The following TNFRSF1B variants were observed in gnomAD, a reference collection of about 807,000 sequenced individuals.
TNFRSF1B encodes TNF receptor superfamily member 1B, also known as tumor necrosis factor receptor superfamily member 1B.
A neutral mutation model predicts 44.6 loss-of-function variants in TNFRSF1B; 19 were observed. That is an observed-to-expected ratio of 0.43 (90% CI 0.30 to 0.62). TNFRSF1B has a LOEUF of 0.62. TNFRSF1B is among the 20% of genes least tolerant of loss of function. TNFRSF1B has a pLI of 0.16. For synonymous variants in TNFRSF1B, 252 were observed against 261.1 expected (o/e 0.97, Z 0.34); for missense variants, 541 against 619.9 (o/e 0.87, Z 1.35).
intron 9 of TNFRSF1B, 63 bp from the exon 10 acceptor site, chr1:12,206,676 AG>A: frequency 6.8e-7 from 1 of 1,476,670 alleles, no homozygotes; most frequent in Non-Finnish European, 9.1e-7. Flanking sequence ...CATCTTGGGC[AG>A]GGGTCCCTGG....
chr1:12,201,912 G>T (rs963107174), intron 8 of TNFRSF1B, 55 bp from the exon 9 acceptor site: 18 of 1,523,732 alleles, frequency 1.2e-5, no homozygotes, highest in Non-Finnish European at 1.6e-5. Context: ...AAGAGGGGAA[G>T]AAAGAGCTGG....
At position 12,180,620 on chromosome 1, in the gene TNFRSF1B, C is replaced by T. The variant is rs1048813979; in HGVS notation, c.79-8176C>T. 6.6e-6 allele frequency among the ~76,000 whole-genome samples: 1 copy of T among 152,192 alleles called. No individual in the cohort carries two copies. The highest frequency in any genetic ancestry group is 1.5e-5 in the Non-Finnish European group (1 of 68,032). On this transcript the variant is annotated intron_variant, in intron 1 of 9. Coordinates refer to ENST00000376259, the MANE Select transcript of TNFRSF1B (RefSeq NM_001066.3). This position sits in a 1 kb window ranked among gnomAD's most constrained non-coding sequence, Gnocchi z 4.3. ...GCTCCAGCAGAGTCCTAGTCTTGAG[C>T]GAATCTTATACCTGCAGCCCTGTCC... is the stretch of plus-strand genomic sequence containing the variant.
chr1:12,194,085 G>T, intron 7 of TNFRSF1B, 53 bp downstream of exon 7: 1 of 1,491,642 alleles, frequency 6.7e-7, no homozygotes, highest in Non-Finnish European at 9.4e-7. Context: ...GCTTTTGTGG[G>T]GTGCCTCCTG....
intron 1 of TNFRSF1B, among the ~76,000 whole-genome samples, chr1:12,167,772 G>T (rs1353779138): frequency 7.2e-5 from 11 of 152,218 alleles, no homozygotes; most frequent in Non-Finnish European, 1.6e-4. Flanking sequence ...TGCGTCCGGG[G>T]GCTACTGCAG....
chr1:12,191,108 G>A, intron 3 of TNFRSF1B, 23 bp downstream of exon 3: 1 of 1,610,624 alleles, frequency 6.2e-7, no homozygotes, highest in Non-Finnish European at 8.5e-7. Context: ...AGAGAAAAAG[G>A]GGGCCCTTAC....
At chr1:12,167,274 GGGCTGGGA>G in intron 1 of TNFRSF1B, 105 bp downstream of exon 1, 1 of 909,190 alleles carries the variant, frequency 1.1e-6, no homozygotes, top group Non-Finnish European at 1.4e-6. Flanking sequence ...GCGCTGTCAC[GGGCTGGGA>G]GGCTGGGAGT....
Position 12,178,253 on chromosome 1 carries a change from G to A in TNFRSF1B, c.79-10543G>A, listed in dbSNP as rs904419426. Among the ~76,000 whole-genome samples, 1 of 152,188 alleles carries A rather than the reference G, an allele frequency of 6.6e-6. No individual in the cohort carries two copies. The highest frequency in any genetic ancestry group is 1.9e-4 in the East Asian group (1 of 5,200). Reference sequence around the variant, plus strand: ...TTGAGCAATTCGGCATCGATGAGACGCCAGCTGTGGGCTGTGTGCTGGCTG... The same window carrying A: ...TTGAGCAATTCGGCATCGATGAGACACCAGCTGTGGGCTGTGTGCTGGCTG... On this transcript the variant is annotated intron_variant, in intron 1 of 9. Transcript: ENST00000376259. This position sits in a 1 kb window ranked among gnomAD's most constrained non-coding sequence, Gnocchi z 4.3.
Position 12,206,985 on chromosome 1 carries a change from C to T in TNFRSF1B, c.1351C>T (p.Leu451Phe), listed in dbSNP as rs765241635. 6.2e-7 allele frequency: 1 copy of T among 1,600,250 alleles called. No homozygotes were observed. ...LGSTEEKPLPLGVPDAGMKPS is the reference protein window; with the variant it reads ...LGSTEEKPLPFGVPDAGMKPS Reference sequence around the variant, plus strand: ...GAGCACCGAAGAGAAGCCCCTGCCCCTTGGAGTGCCTGATGCTGGGATGAA... The same window carrying T: ...GAGCACCGAAGAGAAGCCCCTGCCCTTTGGAGTGCCTGATGCTGGGATGAA... Residue 451 changes from leucine to phenylalanine, a missense_variant, in exon 10 of 10, where the codon CTT becomes TTT. Leu to Phe is a conservative substitution (Grantham distance 22, BLOSUM62 0). Transcript: ENST00000376259.
intron 9 of TNFRSF1B, among the ~76,000 whole-genome samples, chr1:12,206,258 C>G (rs1349382242): frequency 6.6e-6 from 1 of 151,474 alleles, no homozygotes; most frequent in African/African-American, 2.4e-5. Context: ...CCTGTAGTCC[C>G]AGCTATTCAG....
At chr1:12,167,289 G>T (rs1638412998) in intron 1 of TNFRSF1B, 120 bp downstream of exon 1, 1 of 762,160 alleles carries the variant, frequency 1.3e-6, no homozygotes, top group Non-Finnish European at 1.8e-6. Flanking sequence ...GGGAGGCTGG[G>T]AGTCCCAGTC....
At position 12,183,850 on chromosome 1, in the gene TNFRSF1B, T is replaced by TCTATCTATCTATCTAC. The variant is rs1390376605; in HGVS notation, c.79-4943_79-4942insTCTATCTATCTACCTA. Among the ~76,000 whole-genome samples the TCTATCTATCTATCTAC allele has an allele frequency of 7.3e-3, 1,007 of 137,334 alleles. 14 individuals carry two copies. The highest frequency in any genetic ancestry group is 0.018 in the African/African-American group (681 of 38,806). 90.1% of individuals were successfully genotyped at this position (137,334 alleles called of 152,430 possible). A position where few individuals can be genotyped will look rare whatever the true frequency, so the allele number is the denominator to read the frequency against. The stretch of plus-strand genomic sequence containing the variant: ...ACCTATCTATCTATCTATCTATCTA[T>TCTATCTATCTATCTAC]CTACCTACCTACCTACCTACATATC... On this transcript the variant is annotated intron_variant, in intron 1 of 9. Coordinates refer to ENST00000376259, the MANE Select transcript of TNFRSF1B (RefSeq NM_001066.3).
chr1:12,194,973 C>G (rs573971331), intron 8 of TNFRSF1B, among the ~76,000 whole-genome samples: 1 of 152,348 alleles, frequency 6.6e-6, no homozygotes, highest in South Asian at 2.1e-4. Flanking sequence ...TGGTGCCATT[C>G]GGTCAGCTGA....
chr1:12,196,286 G>A (rs760935891), intron 8 of TNFRSF1B, among the ~76,000 whole-genome samples: 20 of 152,088 alleles, frequency 1.3e-4, no homozygotes, highest in Non-Finnish European at 2.2e-4. Context: ...GGGCAATAGA[G>A]CAAGACTCCA....
At chr1:12,194,640 T>C (rs1287575282) in intron 8 of TNFRSF1B, 22 bp downstream of exon 8, 2 of 1,613,634 alleles carry the variant, frequency 1.2e-6, no homozygotes, top group Admixed American at 1.7e-5. Context: ...CACTGCCCTC[T>C]CCCCCTCTTC....
intron 1 of TNFRSF1B, among the ~76,000 whole-genome samples, chr1:12,185,740 G>C (rs912691183): frequency 6.6e-6 from 1 of 152,224 alleles, no homozygotes. Flanking sequence ...GCTGGAGTTA[G>C]ATCCCTACAG....
At chr1:12,183,826 C>CCTCT (rs1553163504) in intron 1 of TNFRSF1B, among the ~76,000 whole-genome samples, 1 of 124,386 alleles carries the variant, frequency 8.0e-6, no homozygotes, top group African/African-American at 3.0e-5. Flanking sequence ...ATTCTATCTA[C>CCTCT]CTATCTATCT....
chr1:12,197,254 CT>C (rs1440385856), intron 8 of TNFRSF1B, among the ~76,000 whole-genome samples: 1 of 152,194 alleles, frequency 6.6e-6, no homozygotes, highest in Non-Finnish European at 1.5e-5. Context: ...GGCCCCTTTC[CT>C]TTCACTGTTG....
intron 4 of TNFRSF1B, 139 bp from the exon 5 acceptor site, chr1:12,192,292 G>A (rs989303093): frequency 1.4e-6 from 1 of 731,142 alleles, no homozygotes; most frequent in East Asian, 2.7e-5. Context: ...GTGTGTGTGT[G>A]TGTGTGTGTG....
At chr1:12,181,614 C>T (rs987975622) in intron 1 of TNFRSF1B, among the ~76,000 whole-genome samples, 6 of 152,162 alleles carry the variant, frequency 3.9e-5, no homozygotes, top group South Asian at 2.1e-4. Flanking sequence ...CCTAAGTCAG[C>T]GCCCCTTCTA....
Sources: gnomAD v4.1 joint callset for allele counts (sites outside exome capture counted in the v4.1 genomes callset) on GRCh38, gnomAD v4.1.1 for gene constraint, Gnocchi (gnomAD v3.1) non-coding constraint, MANE v1.5 for transcripts, NCBI Gene and HGNC (gene_info 2026-07-23, HGNC 2026-07-21) for gene names.